Variants in SCAF11 observed in about 807,000 individuals in gnomAD.
The protein encoded by SCAF11 is protein SCAF11.
SCAF11 carries 47 observed loss-of-function variants against 140.5 expected under a neutral mutation model. The observed-to-expected ratio is 0.33, with a 90% CI of 0.26 to 0.43. SCAF11 has a LOEUF of 0.43. Among genes scored for constraint, SCAF11 ranks in the 20% least tolerant of loss-of-function variants. The pLI, the probability that SCAF11 is intolerant of heterozygous loss-of-function variation, is 1.00. For synonymous variants in SCAF11, 557 were observed against 579.4 expected (o/e 0.96, Z 0.55); for missense variants, 1,645 against 1,705.1 (o/e 0.96, Z 0.62).
In SCAF11 at chr12:45,922,666, A is replaced by G. The variant is rs1592160120; in HGVS notation, c.4126-84T>C. 6.9e-6 allele frequency: 9 copies of G among 1,298,386 alleles called. No individual in the cohort carries two copies. The East Asian group carries it at 1.7e-4, about 24-fold the overall frequency. The allele number at this position is 1,298,386 out of a possible 1,614,324, so 80.4% of individuals were successfully genotyped here. A position where few individuals can be genotyped will look rare whatever the true frequency, so the allele number is the denominator to read the frequency against. ...CCAAACAAGAAATTGAAAATACTTC[A>G]TATTTACAATAAGAGACTCTCCAAC... On this transcript the variant is annotated intron_variant, in intron 13 of 14. Coordinates refer to ENST00000369367, the MANE Select transcript of SCAF11 (RefSeq NM_004719.3).
At position 45,934,236 on chromosome 12, in the gene SCAF11, G is replaced by A. The variant is rs756624718; in HGVS notation, c.572C>T (p.Ser191Phe). 1.9e-6 allele frequency: 3 copies of A among 1,611,914 alleles called. No individual in the cohort carries two copies. The highest frequency in any genetic ancestry group is 1.7e-6 in the Non-Finnish European group (2 of 1,178,752). The change falls in exon 8 of 15, where the codon TCC (serine) becomes TTC (phenylalanine). Residue 191 changes from serine to phenylalanine, a missense_variant. Coordinates refer to ENST00000369367, the MANE Select transcript of SCAF11 (RefSeq NM_004719.3). ...GTGGCTAACAGAAGAAAACATATTG[G>A]AGAAAAAATTTCTGAAGCACTGATT... The part of the protein sequence containing the change: ...STNQCFRNFF[S>F]NMFSSVSHSG...
intron 1 of SCAF11, among the ~76,000 whole-genome samples, chr12:45,987,108 C>A (rs1361971256): frequency 6.6e-6 from 1 of 152,170 alleles, no homozygotes; most frequent in Non-Finnish European, 1.5e-5. Flanking sequence ...TTCCTGTAAT[C>A]CCAGCACTTT....
At chr12:45,967,136 C>A (rs1189767152) in intron 1 of SCAF11, among the ~76,000 whole-genome samples, 1 of 151,788 alleles carries the variant, frequency 6.6e-6, no homozygotes, top group East Asian at 1.9e-4. Flanking sequence ...GCCTATAATC[C>A]TAGCTACTTA....
intron 9 of SCAF11, among the ~76,000 whole-genome samples, chr12:45,931,864 CAACTT>C (rs1945052165): frequency 6.6e-6 from 1 of 151,986 alleles, no homozygotes; most frequent in Admixed American, 6.6e-5. Context: ...AAGATGAAAG[CAACTT>C]AACACAGATG....
chr12:45,971,297 T>TA (rs1946067207), intron 1 of SCAF11, among the ~76,000 whole-genome samples: 1 of 152,218 alleles, frequency 6.6e-6, no homozygotes, highest in African/African-American at 2.4e-5. Flanking sequence ...AAGTTGGCAT[T>TA]ACATTCCAAA....
chr12:45,946,689 G>A (rs1945431448), intron 5 of SCAF11, among the ~76,000 whole-genome samples: 1 of 152,106 alleles, frequency 6.6e-6, no homozygotes, highest in African/African-American at 2.4e-5. Context: ...AGTGATATGA[G>A]TTGTATCAAG....
chr12:45,965,931 G>T (rs1945936005), intron 1 of SCAF11, among the ~76,000 whole-genome samples: 1 of 152,148 alleles, frequency 6.6e-6, no homozygotes, highest in Non-Finnish European at 1.5e-5. Context: ...ATGATTTAAA[G>T]GTTGTAGCAG....
rs372540931 is a variant in SCAF11 at position 45,964,209 on chromosome 12, G to C, written c.-21-21C>G. ...GTTTCCTATAAGATAAATTATAATA[G>C]AGAATTTTATGTTTGCCTTCTCCCA... On this transcript the variant is annotated intron_variant, in intron 1 of 14. Coordinates refer to ENST00000369367, the MANE Select transcript of SCAF11 (RefSeq NM_004719.3). 51 of 1,153,920 alleles carry C rather than the reference G, an allele frequency of 4.4e-5. No individual in the cohort carries two copies. In the African/African-American group the frequency reaches 6.3e-4, roughly 14 times the overall value. 71.5% of individuals were successfully genotyped at this position (1,153,920 alleles called of 1,614,324 possible).
intron 1 of SCAF11, among the ~76,000 whole-genome samples, chr12:45,989,736 T>C (rs1463872174): frequency 6.6e-6 from 1 of 152,156 alleles, no homozygotes; most frequent in Non-Finnish European, 1.5e-5. Flanking sequence ...GATGAGTAGT[T>C]TGAAGTTCAG....
intron 3 of SCAF11, among the ~76,000 whole-genome samples, chr12:45,956,940 A>G (rs1033470690): frequency 1.3e-5 from 2 of 152,262 alleles, no homozygotes; most frequent in Non-Finnish European, 2.9e-5. Context: ...AAAATTTCCC[A>G]AAGGATTAAT....
rs762571952 is a variant in SCAF11, at chr12:45,964,144, G to A, written c.24C>T (p.Thr8=). Residue 8 remains threonine (T), a synonymous_variant, in exon 2 of 15, where the codon ACC becomes ACT. Transcript: ENST00000369367. MKKKTVC[T]LNMGDKKYED... is the part of the protein sequence containing the mutation. ...CATACTTCTTATCTCCCATATTTAG[G>A]GTACATACAGTTTTCTTCTTCATTT... 2.0e-6 allele frequency: 3 copies of A among 1,532,468 alleles called. No individual in the cohort carries two copies. Among genetic ancestry groups the A allele is most frequent in the Non-Finnish European group, 2.7e-6 (3 of 1,113,206 alleles). The allele number at this position is 1,532,468 out of a possible 1,614,324, so 94.9% of individuals were successfully genotyped here. A position where few individuals can be genotyped will look rare whatever the true frequency, so the allele number is the denominator to read the frequency against.
intron 10 of SCAF11, 154 bp downstream of exon 10, chr12:45,931,352 A>G: frequency 2.3e-6 from 1 of 427,192 alleles, no homozygotes; most frequent in East Asian, 3.9e-5. Context: ...GCAATTCTAA[A>G]GTTAAGTCAT....
In SCAF11 at chr12:45,926,976, A is replaced by T. The variant is rs777005257; in HGVS notation, c.2725T>A (p.Ser909Thr). 1 of 1,612,368 alleles carries T rather than the reference A, an allele frequency of 6.2e-7. No homozygotes were observed. Among genetic ancestry groups the T allele is most frequent in the East Asian group, 2.2e-5 (1 of 44,844 alleles). The change falls in exon 11 of 15, where the codon TCC (serine) becomes ACC (threonine). Residue 909 changes from serine (S) to threonine (T), a missense_variant. This residue lies in a region of SCAF11 where 1,582 missense variants were observed against 1,609.2 expected (regional missense o/e 0.98). Coordinates refer to ENST00000369367, the MANE Select transcript of SCAF11 (RefSeq NM_004719.3). ...KDSSPGEKSR[S>T]QSRERESDRD... ...TCACTTTCTCGTTCTCTGCTCTGGG[A>T]CCTGGATTTTTCTCCTGGGGAAGAA...
In SCAF11 at chr12:45,975,598, C is replaced by A. The variant is rs538914278; in HGVS notation, c.-21-11410G>T. The A allele has an allele frequency of 4.4e-5, 8 of 179,796 alleles. No homozygotes were observed. The South Asian group carries it at 1.3e-3, about 28-fold the overall frequency. The allele number at this position is 179,796 out of a possible 1,614,324, so 11.1% of individuals were successfully genotyped here. A position where few individuals can be genotyped will look rare whatever the true frequency, so the allele number is the denominator to read the frequency against. On this transcript the variant is annotated intron_variant, in intron 1 of 14. Coordinates refer to ENST00000369367, the MANE Select transcript of SCAF11 (RefSeq NM_004719.3). ...GCTTCCTTATCCCTCTCAGACTTCACTGGCTTGAAGAGCGTTAGAGACGCG... is the reference window on the plus strand; with the variant it reads ...GCTTCCTTATCCCTCTCAGACTTCAATGGCTTGAAGAGCGTTAGAGACGCG...
chr12:45,987,928 G>A (rs1018413717), intron 1 of SCAF11, among the ~76,000 whole-genome samples: 4 of 152,144 alleles, frequency 2.6e-5, no homozygotes, highest in Non-Finnish European at 5.9e-5. Context: ...GAATTTTTAT[G>A]TGTCTATGTA....
chr12:45,939,881 T>C (rs552344451), intron 6 of SCAF11, among the ~76,000 whole-genome samples: 1 of 152,322 alleles, frequency 6.6e-6, no homozygotes, highest in Non-Finnish European at 1.5e-5. Context: ...TTCTGTTCAG[T>C]GTAACTGGGT....
At chr12:45,940,547 C>T (rs1379798600) in intron 6 of SCAF11, among the ~76,000 whole-genome samples, 1 of 152,122 alleles carries the variant, frequency 6.6e-6, no homozygotes, top group Non-Finnish European at 1.5e-5. Context: ...AATGTGATCT[C>T]GGACAAGACA....
At chr12:45,952,445 T>C (rs1945574111) in intron 3 of SCAF11, among the ~76,000 whole-genome samples, 1 of 152,192 alleles carries the variant, frequency 6.6e-6, no homozygotes, top group Non-Finnish European at 1.5e-5. Context: ...TTAAGGACTA[T>C]CCAAAGTTCC....
upstream of SCAF11, chr12:45,990,583 C>A (rs762770302): frequency 9.6e-5 from 118 of 1,230,260 alleles, no homozygotes; most frequent in Non-Finnish European, 1.2e-4. Flanking sequence ...TCCCCCTTCC[C>A]CCGCCTTGTC....
Sources: gnomAD v4.1 joint callset for allele counts (sites outside exome capture counted in the v4.1 genomes callset) on GRCh38, gnomAD v4.1.1 for gene constraint, gnomAD v4.1.1 regional missense constraint, MANE v1.5 for transcripts, NCBI Gene and HGNC (gene_info 2026-07-23, HGNC 2026-07-21) for gene names.